CCDC93: variants seen among roughly 807,000 people sequenced by gnomAD.
The protein encoded by CCDC93 is CCC complex scaffolding subunit CCDC93, also known as coiled-coil domain-containing protein 93.
A neutral mutation model predicts 108.2 loss-of-function variants in CCDC93; 61 were observed. That is an observed-to-expected ratio of 0.56 (90% CI 0.46 to 0.70). CCDC93 has a LOEUF of 0.70. Ranked by LOEUF, CCDC93 falls within the 30% of genes least tolerant of loss-of-function variation. The pLI, the probability that CCDC93 is intolerant of heterozygous loss-of-function variation, is 0.00. For missense variants in CCDC93, 685 were observed against 764.2 expected, an observed-to-expected ratio of 0.90 and a Z score of 1.22; for synonymous variants, 276 against 260.4, an observed-to-expected ratio of 1.06 and a Z score of -0.58.
chr2:117,995,669 C>T, intron 5 of CCDC93, 167 bp from the exon 6 acceptor site: 3 of 604,478 alleles, frequency 5.0e-6, no homozygotes, highest in Non-Finnish European at 8.8e-6. Flanking sequence ...GAAAAGGCTA[C>T]AAACCCTGCA....
At chr2:117,948,072 C>T (rs1007743663) in intron 15 of CCDC93, 33 bp downstream of exon 15, 16 of 1,513,238 alleles carry the variant, frequency 1.1e-5, no homozygotes, top group Non-Finnish European at 1.5e-5. Flanking sequence ...AATAAGCGTC[C>T]TGGTTTATTT....
chr2:117,964,163 A>G (rs930329708), intron 11 of CCDC93, among the ~76,000 whole-genome samples: 1 of 152,114 alleles, frequency 6.6e-6, no homozygotes, highest in Non-Finnish European at 1.5e-5. Context: ...TCCTTGGCTT[A>G]TTTCAGCTAA....
At chr2:117,931,314 C>A in intron 22 of CCDC93, 164 bp from the exon 23 acceptor site, 1 of 562,662 alleles carries the variant, frequency 1.8e-6, no homozygotes, top group Non-Finnish European at 3.1e-6. Context: ...TTGCATATTA[C>A]ATGGAGGCTC....
chr2:117,936,707 G>T lies in CCDC93; in HGVS notation c.1638C>A (p.Phe546Leu). The T allele has an allele frequency of 6.2e-7, 1 of 1,612,844 alleles. No homozygotes were observed. The highest frequency in any genetic ancestry group is 8.5e-7 in the Non-Finnish European group (1 of 1,178,780). ...GGAGGACTGACAGTACTTACTGTGA[G>T]AAGTTCTCATGAATTGAGTTCAGCA... ...ISLLNSIHEN[F>L]SQAMASPAAR... Residue 546 changes from phenylalanine to leucine, a missense_variant, in exon 21 of 24, where the codon TTC (phenylalanine) becomes TTA (leucine). Transcript: ENST00000376300.
intron 5 of CCDC93, 33 bp downstream of exon 5, chr2:117,996,231 A>G (rs1680641393): frequency 7.1e-7 from 1 of 1,416,274 alleles, no homozygotes; most frequent in Non-Finnish European, 1.0e-6. Context: ...TCTGTTTCTC[A>G]GTGGGACAAG....
chr2:117,928,316 G>A (rs1678195608), intron 23 of CCDC93, among the ~76,000 whole-genome samples: 1 of 152,064 alleles, frequency 6.6e-6, no homozygotes, highest in African/African-American at 2.4e-5. Context: ...CCATAGGAGT[G>A]AACAGGCAAC....
rs183105868 is a variant in CCDC93 at position 117,948,217 on chromosome 2, G to A, written c.1143-31C>T. On this transcript the variant is annotated intron_variant, in intron 14 of 23. Coordinates refer to ENST00000376300, the MANE Select transcript of CCDC93 (RefSeq NM_019044.5). ...GAGAAAAGACAAAAAAATGACATAT[G>A]GCAGGCCATTATGATTTTATGAATC... 6 of 1,510,902 alleles carry A rather than the reference G, an allele frequency of 4.0e-6. No homozygotes were observed. In the African/African-American group the frequency reaches 6.9e-5, roughly 17 times the overall value. 93.6% of individuals were successfully genotyped at this position (1,510,902 alleles called of 1,614,324 possible).
rs530195116 is a variant in CCDC93 at position 118,006,293 on chromosome 2, C to T, written c.251+429G>A. The stretch of plus-strand genomic sequence containing the variant: ...AAGGCTGGGAGAAGAACCAGGTATC[C>T]CAAGTGGTCTAATGAAATGGCCAAG... On this transcript the variant is annotated intron_variant, in intron 3 of 23. Transcript: ENST00000376300. 4.6e-5 allele frequency among the ~76,000 whole-genome samples: 7 copies of T among 152,228 alleles called. No individual in the cohort carries two copies. The South Asian group carries it at 1.5e-3, about 32-fold the overall frequency.
At chr2:117,993,255 G>A (rs1680536226) in intron 6 of CCDC93, among the ~76,000 whole-genome samples, 1 of 152,188 alleles carries the variant, frequency 6.6e-6, no homozygotes, top group Admixed American at 6.5e-5. Flanking sequence ...AGTGAGCCAG[G>A]TCTGGTGGCG....
chr2:117,941,261 T>C lies in CCDC93; in HGVS notation c.1450A>G (p.Lys484Glu), dbSNP rs758662628. Residue 484 changes from lysine to glutamate, a missense_variant, in exon 19 of 24, where the codon AAG (lysine) becomes GAG (glutamate). By Grantham distance (56) the Lys-to-Glu change is moderately conservative. Transcript: ENST00000376300. ...GCACGGCTAGGGACTTCATCAATCTTGCGGTGCAAAATTGCTATTTCTCGA... is the reference window on the plus strand; with the variant it reads ...GCACGGCTAGGGACTTCATCAATCTCGCGGTGCAAAATTGCTATTTCTCGA... ...RNREIAILHR[K>E]IDEVPSRAEL... The C allele has an allele frequency of 2.3e-5, 37 of 1,614,074 alleles. No individual in the cohort carries two copies. The highest frequency in any genetic ancestry group is 3.1e-5 in the Non-Finnish European group (36 of 1,179,948).
intron 6 of CCDC93, among the ~76,000 whole-genome samples, chr2:117,986,461 T>C (rs1680322890): frequency 6.6e-6 from 1 of 152,160 alleles, no homozygotes; most frequent in African/African-American, 2.4e-5. Context: ...GGTCTCCGGG[T>C]GCAGGTAGGC....
rs569690537 is a variant in CCDC93 at position 117,972,176 on chromosome 2, C to A, written c.888+1732G>T. ...AAAAATCCACATGTAAGTGGACCCACACAGTCCAAACCTGTGTTGATCAAG... is the reference window on the plus strand; with the variant it reads ...AAAAATCCACATGTAAGTGGACCCAAACAGTCCAAACCTGTGTTGATCAAG... On this transcript the variant is annotated intron_variant, in intron 11 of 23. Coordinates refer to ENST00000376300, the MANE Select transcript of CCDC93 (RefSeq NM_019044.5). Among the ~76,000 whole-genome samples, 3 of 152,338 alleles carry A rather than the reference C, an allele frequency of 2.0e-5. No individual in the cohort carries two copies. The East Asian group carries it at 5.8e-4, about 29-fold the overall frequency.
intron 7 of CCDC93, among the ~76,000 whole-genome samples, chr2:117,983,797 A>T: frequency 6.6e-6 from 1 of 152,076 alleles, no homozygotes; most frequent in South Asian, 2.1e-4. Flanking sequence ...GGTGGAATAG[A>T]ACACACACTT....
At chr2:117,948,863 T>C (rs778991224) in intron 14 of CCDC93, among the ~76,000 whole-genome samples, 2 of 152,178 alleles carry the variant, frequency 1.3e-5, no homozygotes, top group East Asian at 1.9e-4. Context: ...TAATTCTACA[T>C]GAAAGAACAA....
intron 13 of CCDC93, chr2:117,951,633 G>A: frequency 1.0e-6 from 1 of 1,000,210 alleles, no homozygotes; most frequent in Non-Finnish European, 1.2e-6. Context: ...TCCTTCCATA[G>A]TACGGCTATA....
chr2:117,994,741 G>C (rs567006575), intron 6 of CCDC93, among the ~76,000 whole-genome samples: 1 of 152,286 alleles, frequency 6.6e-6, no homozygotes, highest in East Asian at 1.9e-4. Flanking sequence ...ATGCAACTAT[G>C]AAAACCAACT....
At chr2:117,996,707 A>G (rs76055555) in intron 4 of CCDC93, 3,056 of 174,864 alleles carry the variant, frequency 0.017, 53 homozygotes, top group Middle Eastern at 0.03. Context: ...AGTGATTTGT[A>G]AACACCTGAA....
intron 23 of CCDC93, among the ~76,000 whole-genome samples, chr2:117,926,008 C>T (rs1678078902): frequency 6.6e-6 from 1 of 152,198 alleles, no homozygotes; most frequent in Admixed American, 6.5e-5. Flanking sequence ...CAACCTGCTC[C>T]TGAATGACTA....
intron 23 of CCDC93, 110 bp from the exon 24 acceptor site, chr2:117,920,506 C>A: frequency 1.6e-6 from 1 of 631,152 alleles, no homozygotes; most frequent in Non-Finnish European, 2.7e-6. Flanking sequence ...CATCTCCTGG[C>A]CAACCCAGTC....
Sources: gnomAD v4.1 joint callset for allele counts (sites outside exome capture counted in the v4.1 genomes callset) on GRCh38, gnomAD v4.1.1 for gene constraint, MANE v1.5 for transcripts, NCBI Gene and HGNC (gene_info 2026-07-23, HGNC 2026-07-21) for gene names.